PRPF18: variants seen among roughly 807,000 people sequenced by gnomAD.
PRPF18 encodes pre-mRNA-splicing factor 18.
Under a neutral mutation model 46.5 loss-of-function variants are expected in PRPF18, and 38 were observed. That is an observed-to-expected ratio of 0.82 (90% CI 0.63 to 1.07). The LOEUF (loss-of-function observed/expected upper bound fraction) is 1.07. Among genes scored for constraint, PRPF18 ranks in the 50% least tolerant of loss-of-function variants. The pLI, the probability that PRPF18 is intolerant of heterozygous loss-of-function variation, is 0.00. For missense variants in PRPF18, 263 were observed against 410.0 expected (o/e 0.64, Z 3.10); for synonymous variants, 152 against 146.7 (o/e 1.04, Z -0.26).
At chr10:13,629,960 G>C (rs893683089) in intron 9 of PRPF18, among the ~76,000 whole-genome samples, 2 of 152,174 alleles carry the variant, frequency 1.3e-5, no homozygotes, top group Non-Finnish European at 2.9e-5. Flanking sequence ...CATTTTTACT[G>C]CTGTAAGATA....
At position 13,587,110 on chromosome 10, in the gene PRPF18, C is replaced by G; in HGVS notation, c.24C>G (p.Ile8Met). 1 of 1,614,152 alleles carries G rather than the reference C, an allele frequency of 6.2e-7. No homozygotes were observed. Among genetic ancestry groups the G allele is most frequent in the Non-Finnish European group, 8.5e-7 (1 of 1,179,998 alleles). ...AGATGGACATTCTGAAATCAGAGAT[C>G]CTTCGGAAGCGGCAGCTGGTGGAGG... MDILKSE[I>M]LRKRQLVEDR... The change falls in exon 1 of 10, where the codon ATC becomes ATG. Residue 8 changes from isoleucine (I) to methionine (M), a missense_variant. Ile to Met is a conservative substitution (Grantham distance 10, BLOSUM62 1). Transcript: ENST00000378572.
chr10:13,609,499 A>T (rs1394183618), intron 4 of PRPF18, among the ~76,000 whole-genome samples: 2 of 152,226 alleles, frequency 1.3e-5, no homozygotes, highest in African/African-American at 4.8e-5. Flanking sequence ...TTTTAGGAAG[A>T]TGAGGCTTCC....
chr10:13,652,271 T>G, the PRPF18 span: 10 of 450,074 alleles, frequency 2.2e-5, no homozygotes, highest in South Asian at 1.5e-4. Flanking sequence ...AAATTTGGCT[T>G]GAGTCCTCAC....
At position 13,614,025 on chromosome 10, in the gene PRPF18, C is replaced by T; in HGVS notation, c.731C>T (p.Ala244Val). The T allele has an allele frequency of 6.3e-7, 1 of 1,586,676 alleles. No individual in the cohort carries two copies. Among genetic ancestry groups the T allele is most frequent in the South Asian group, 1.2e-5 (1 of 86,500 alleles). ...FRKLRKRNLP[A>V]DIKESITDII... is the part of the protein sequence containing the mutation. ...ATTTATTTTTTTCAGAATCTTCCTG[C>T]TGATATTAAAGAATCAATAACGGAT... Residue 244 changes from alanine to valine, a missense_variant, in exon 8 of 10, where the codon GCT becomes GTT. Ala to Val is a moderately conservative substitution (Grantham distance 64, BLOSUM62 0). Coordinates refer to ENST00000378572, the MANE Select transcript of PRPF18 (RefSeq NM_003675.4).
At chr10:13,596,880 CA>C (rs557922285) in intron 1 of PRPF18, among the ~76,000 whole-genome samples, 1 of 152,008 alleles carries the variant, frequency 6.6e-6, no homozygotes, top group African/African-American at 2.4e-5. Context: ...GAAAAACGCA[CA>C]AAAAACCCCA....
chr10:13,621,795 C>T (rs2080423819), intron 9 of PRPF18, among the ~76,000 whole-genome samples: 1 of 152,130 alleles, frequency 6.6e-6, no homozygotes. Flanking sequence ...TAATATTATT[C>T]TCTGGCAAGT....
chr10:13,654,107 C>T, the PRPF18 span: 429 of 516,948 alleles, frequency 8.3e-4, 6 homozygotes, highest in South Asian at 0.01. Context: ...TAATCCAAAC[C>T]GAAATGAAAT....
chr10:13,623,216 A>AG (rs1285492198), intron 9 of PRPF18, among the ~76,000 whole-genome samples: 1 of 152,148 alleles, frequency 6.6e-6, no homozygotes, highest in Non-Finnish European at 1.5e-5. Flanking sequence ...AAGAAAAAAA[A>AG]AAAAGTTCCC....
chr10:13,629,711 A>T (rs1325991238), intron 9 of PRPF18, among the ~76,000 whole-genome samples: 1 of 152,260 alleles, frequency 6.6e-6, no homozygotes, highest in Admixed American at 6.5e-5. Flanking sequence ...AGATTCATAT[A>T]CATCGGCCTT....
chr10:13,646,903 G>A, the PRPF18 span: 80 of 617,358 alleles, frequency 1.3e-4, no homozygotes, highest in East Asian at 2.8e-4. Context: ...TCAGAATGGC[G>A]TTGAGGCGGT....
At chr10:13,620,088 T>C (rs1376589430) in intron 9 of PRPF18, among the ~76,000 whole-genome samples, 3 of 152,114 alleles carry the variant, frequency 2.0e-5, no homozygotes, top group African/African-American at 7.2e-5. Context: ...CTGGATGAGA[T>C]TAATTTGAAT....
At chr10:13,634,548 T>C (rs1489473479), downstream of PRPF18, among the ~76,000 whole-genome samples, 1 of 152,246 alleles carries the variant, frequency 6.6e-6, no homozygotes, top group Non-Finnish European at 1.5e-5. Flanking sequence ...CCTTTCAGAC[T>C]TAGGAGATGT....
chr10:13,652,096 C>A, the PRPF18 span: 1 of 715,716 alleles, frequency 1.4e-6, no homozygotes, highest in Admixed American at 2.0e-5. Context: ...GATTAGACAC[C>A]TGAGTTAGCA....
chr10:13,654,308 A>T, the PRPF18 span: 1 of 803,630 alleles, frequency 1.2e-6, no homozygotes, highest in Non-Finnish European at 2.2e-6. Context: ...CCTCCCAGTG[A>T]TGAACCCTCA....
At chr10:13,588,606 CCTTT>C (rs2079912041) in intron 1 of PRPF18, among the ~76,000 whole-genome samples, 1 of 151,452 alleles carries the variant, frequency 6.6e-6, no homozygotes, top group African/African-American at 2.4e-5. Flanking sequence ...TAATAAAATT[CCTTT>C]CTAATAGTAA....
At chr10:13,654,157 C>A in the PRPF18 span, 1 of 559,936 alleles carries the variant, frequency 1.8e-6, no homozygotes, top group Admixed American at 3.3e-5. Context: ...AGTCCCACTT[C>A]GTGCTTCCAT....
chr10:13,630,217 TTAACCATGTCA>T (rs763431975), intron 9 of PRPF18, 32 bp from the exon 10 acceptor site: 46 of 1,466,112 alleles, frequency 3.1e-5, no homozygotes, highest in Admixed American at 1.2e-4. Context: ...TAAGAATAAT[TTAACCATGTCA>T]TAACCAACCT....
At chr10:13,597,940 T>C (rs1370201838) in intron 2 of PRPF18, among the ~76,000 whole-genome samples, 1 of 152,124 alleles carries the variant, frequency 6.6e-6, no homozygotes, top group Admixed American at 6.5e-5. Flanking sequence ...ACAGTAATAT[T>C]AGTGGTGGTA....
the PRPF18 span, chr10:13,652,156 A>C: frequency 1.3e-5 from 8 of 611,718 alleles, no homozygotes; most frequent in Non-Finnish European, 2.4e-5. Flanking sequence ...ATTGAGTCAA[A>C]ATACCTAGTT....
Sources: gnomAD v4.1 joint callset for allele counts (sites outside exome capture counted in the v4.1 genomes callset) on GRCh38, gnomAD v4.1.1 for gene constraint, MANE v1.5 for transcripts, NCBI Gene and HGNC (gene_info 2026-07-23, HGNC 2026-07-21) for gene names.